CFAP20DC: variants seen among roughly 807,000 people sequenced by gnomAD.
CFAP20DC encodes CFAP20 domain containing, also known as protein CFAP20DC.
A neutral mutation model predicts 101.7 loss-of-function variants in CFAP20DC; 84 were observed. That is an observed-to-expected ratio of 0.83 (90% CI 0.69 to 0.99). The LOEUF is 0.99. Among genes scored for constraint, CFAP20DC ranks in the 50% least tolerant of loss-of-function variants. The pLI, the probability that CFAP20DC is intolerant of heterozygous loss-of-function variation, is 0.00. For synonymous variants in CFAP20DC, 359 were observed against 351.2 expected (o/e 1.02, Z -0.25); for missense variants, 1,007 against 970.3 (o/e 1.04, Z -0.50).
At chr3:59,023,629 C>G (rs1303915184) in intron 4 of CFAP20DC, among the ~76,000 whole-genome samples, 1 of 152,038 alleles carries the variant, frequency 6.6e-6, no homozygotes, top group Non-Finnish European at 1.5e-5. Context: ...CCAGTGACCA[C>G]CAACTTTGTG....
chr3:59,049,682 G>C lies in CFAP20DC; in HGVS notation c.-51C>G. On this transcript the variant is annotated 5_prime_UTR_variant, in exon 1 of 17. Coordinates refer to ENST00000482387, the MANE Select transcript of CFAP20DC (RefSeq NM_001394063.1). ...GGGCACAGAGTTCAGGGTTTCCAGC[G>C]AGTGGCGTGACCCTGACGGCTGGAA... The C allele has an allele frequency of 2.6e-6, 4 of 1,532,048 alleles. No homozygotes were observed. The highest frequency in any genetic ancestry group is 3.5e-6 in the Non-Finnish European group (4 of 1,144,510). 94.9% of individuals were successfully genotyped at this position (1,532,048 alleles called of 1,614,324 possible). A position where few individuals can be genotyped will look rare whatever the true frequency, so the allele number is the denominator to read the frequency against.
intron 6 of CFAP20DC, among the ~76,000 whole-genome samples, chr3:58,896,672 T>G (rs370789727): frequency 3.0e-3 from 454 of 152,352 alleles, no homozygotes; most frequent in Middle Eastern, 0.01. Context: ...GGTTGTTCAA[T>G]TTCCAAGTAC....
At position 58,964,299 on chromosome 3, in the gene CFAP20DC, C is replaced by T. The variant is rs958597425; in HGVS notation, c.279-26537G>A. Reference sequence around the variant, plus strand: ...GCTGGTCACTCAAATGCCTTCATGTCCTGAAAAGACCTTTTGAGGTACAGG... The same window carrying T: ...GCTGGTCACTCAAATGCCTTCATGTTCTGAAAAGACCTTTTGAGGTACAGG... On this transcript the variant is annotated intron_variant, in intron 4 of 16. Coordinates refer to ENST00000482387, the MANE Select transcript of CFAP20DC (RefSeq NM_001394063.1). This position sits in a 1 kb window ranked among gnomAD's most constrained non-coding sequence, Gnocchi z 4.1. Among the ~76,000 whole-genome samples the T allele has an allele frequency of 2.0e-5, 3 of 152,190 alleles. No individual in the cohort carries two copies. Among genetic ancestry groups the T allele is most frequent in the African/African-American group, 7.2e-5 (3 of 41,438 alleles).
At chr3:59,038,512 C>T (rs1288568181) in intron 4 of CFAP20DC, among the ~76,000 whole-genome samples, 1 of 152,134 alleles carries the variant, frequency 6.6e-6, no homozygotes. Flanking sequence ...ATGTTTGTTA[C>T]AAATTGAAGG....
chr3:58,739,388 T>A, downstream of CFAP20DC, among the ~76,000 whole-genome samples: 1 of 152,244 alleles, frequency 6.6e-6, no homozygotes, highest in East Asian at 1.9e-4. Context: ...TATCTTAAGA[T>A]GTACTTCTAC....
At chr3:58,749,426 G>A (rs1002266592) in intron 16 of CFAP20DC, among the ~76,000 whole-genome samples, 5 of 152,122 alleles carry the variant, frequency 3.3e-5, no homozygotes, top group Non-Finnish European at 5.9e-5. Flanking sequence ...CAATACAGGA[G>A]GATTCCTTCT....
chr3:58,986,828 T>C (rs116590852), intron 4 of CFAP20DC, among the ~76,000 whole-genome samples: 49 of 152,096 alleles, frequency 3.2e-4, no homozygotes, highest in Non-Finnish European at 5.3e-4. Context: ...CCAATAAACA[T>C]AAAGTCACAT....
chr3:58,736,300 GGTCTGAAAT>G (rs2067754330), intron 3 of CFAP20DC, among the ~76,000 whole-genome samples: 2 of 152,092 alleles, frequency 1.3e-5, no homozygotes, highest in South Asian at 4.1e-4. Flanking sequence ...AAGTTTTCAG[GGTCTGAAAT>G]GTCTGAATCA....
At chr3:58,763,160 C>T (rs1274331625) in intron 15 of CFAP20DC, among the ~76,000 whole-genome samples, 2 of 152,230 alleles carry the variant, frequency 1.3e-5, no homozygotes, top group African/African-American at 2.4e-5. Context: ...TTCTCCCCAT[C>T]ACTTTCAGGT....
At chr3:58,879,122 T>C (rs924815406) in intron 7 of CFAP20DC, among the ~76,000 whole-genome samples, 2 of 152,078 alleles carry the variant, frequency 1.3e-5, no homozygotes, top group South Asian at 2.1e-4. Context: ...ATCTACAAAA[T>C]AGTGATTACT....
chr3:58,921,639 G>T (rs1247676068), intron 5 of CFAP20DC, among the ~76,000 whole-genome samples: 1 of 152,026 alleles, frequency 6.6e-6, no homozygotes, highest in Non-Finnish European at 1.5e-5. Flanking sequence ...GTTAAATATG[G>T]CCTAACATAT....
At chr3:58,738,144 G>A (rs2067799916), downstream of CFAP20DC, among the ~76,000 whole-genome samples, 3 of 152,218 alleles carry the variant, frequency 2.0e-5, no homozygotes, top group South Asian at 6.2e-4. The surrounding 1 kb of genome is among the most constrained non-coding windows in gnomAD (Gnocchi z 4.4). Context: ...GAAATCCTAT[G>A]ATAAAACCAT....
chr3:58,935,674 A>G (rs893628268), intron 5 of CFAP20DC, among the ~76,000 whole-genome samples: 3 of 152,208 alleles, frequency 2.0e-5, no homozygotes, highest in Non-Finnish European at 2.9e-5. Flanking sequence ...CAATGGGGAA[A>G]GGATTCCCTA....
chr3:58,935,664 C>A (rs935172764), intron 5 of CFAP20DC, among the ~76,000 whole-genome samples: 8 of 152,114 alleles, frequency 5.3e-5, no homozygotes, highest in African/African-American at 1.9e-4. Context: ...AGAAAAACAG[C>A]AATGGGGAAA....
At chr3:58,931,264 C>T (rs1576355844) in intron 5 of CFAP20DC, among the ~76,000 whole-genome samples, 3 of 152,280 alleles carry the variant, frequency 2.0e-5, no homozygotes, top group African/African-American at 4.8e-5. Flanking sequence ...AACAAAGCAG[C>T]CAGGAAGCTC....
intron 4 of CFAP20DC, among the ~76,000 whole-genome samples, chr3:58,960,270 A>ATC (rs2091018545): frequency 6.6e-6 from 1 of 152,060 alleles, no homozygotes; most frequent in African/African-American, 2.4e-5. Flanking sequence ...AGGTGGGTGG[A>ATC]TCACCTGAGG....
chr3:58,735,329 A>G (rs1004009957), intron 3 of CFAP20DC, among the ~76,000 whole-genome samples: 5 of 152,224 alleles, frequency 3.3e-5, no homozygotes, highest in Non-Finnish European at 7.3e-5. Flanking sequence ...AGAAAGCCAA[A>G]CAAAACAAAA....
intron 4 of CFAP20DC, among the ~76,000 whole-genome samples, chr3:58,974,866 T>C (rs2108418485): frequency 1.3e-5 from 2 of 152,244 alleles, no homozygotes; most frequent in Middle Eastern, 6.8e-3. Flanking sequence ...ACTGTTTATG[T>C]ATGTTAGGCA....
At chr3:58,866,852 T>A (rs532954675) in intron 10 of CFAP20DC, among the ~76,000 whole-genome samples, 164 bp from the exon 11 acceptor site, 1 of 152,300 alleles carries the variant, frequency 6.6e-6, no homozygotes, top group East Asian at 1.9e-4. Context: ...AGTAGACTGT[T>A]TTAAGCTGCA....
Sources: gnomAD v4.1 joint callset for allele counts (sites outside exome capture counted in the v4.1 genomes callset) on GRCh38, gnomAD v4.1.1 for gene constraint, Gnocchi (gnomAD v3.1) non-coding constraint, MANE v1.5 for transcripts, NCBI Gene and HGNC (gene_info 2026-07-23, HGNC 2026-07-21) for gene names.